Variants in PTPRQ observed in about 807,000 individuals in gnomAD.
PTPRQ encodes the protein phosphatidylinositol phosphatase PTPRQ.
PTPRQ carries 199 observed loss-of-function variants against 246.0 expected under a neutral mutation model. The observed-to-expected ratio is 0.81, with a 90% CI of 0.72 to 0.91. PTPRQ has a LOEUF of 0.91. Ranked by LOEUF, PTPRQ falls within the 40% of genes least tolerant of loss-of-function variation. The pLI is 0.00. For synonymous variants in PTPRQ, 869 were observed against 853.2 expected (o/e 1.02, Z -0.32); for missense variants, 2,624 against 2,528.4 (o/e 1.04, Z -0.81).
chr12:80,549,783 G>A (rs1172302118), intron 25 of PTPRQ, 49 bp downstream of exon 25: 5 of 1,486,456 alleles, frequency 3.4e-6, no homozygotes, highest in African/African-American at 1.4e-5. Flanking sequence ...AACTATTTGG[G>A]GATTGTGTCA....
At chr12:80,602,873 A>T (rs1898189987) in intron 26 of PTPRQ, among the ~76,000 whole-genome samples, 1 of 151,784 alleles carries the variant, frequency 6.6e-6, no homozygotes, top group African/African-American at 2.4e-5. Context: ...ATTATCTGCA[A>T]TTTAAAAACA....
intron 25 of PTPRQ, among the ~76,000 whole-genome samples, chr12:80,565,371 A>C (rs919360306): frequency 2.0e-5 from 3 of 152,214 alleles, no homozygotes; most frequent in African/African-American, 7.2e-5. Flanking sequence ...TTCTTTGAGC[A>C]GTGTTTTTAT....
chr12:80,547,564 T>G (rs529532454), intron 24 of PTPRQ, among the ~76,000 whole-genome samples: 1 of 152,142 alleles, frequency 6.6e-6, no homozygotes, highest in African/African-American at 2.4e-5. Context: ...TGCATTTCTG[T>G]AACAAATGCA....
intron 39 of PTPRQ, among the ~76,000 whole-genome samples, chr12:80,665,657 A>G (rs930801199): frequency 6.6e-6 from 1 of 152,110 alleles, no homozygotes; most frequent in Admixed American, 6.6e-5. Context: ...AACAGAATGA[A>G]TAGACAATCT....
At position 80,605,151 on chromosome 12, in the gene PTPRQ, C is replaced by A. The variant is rs1197237603; in HGVS notation, c.4702C>A (p.Pro1568Thr). The change falls in exon 27 of 45, where the codon CCA becomes ACA. Residue 1568 changes from proline (P) to threonine (T), a missense_variant. By Grantham distance (38) the Pro-to-Thr change is conservative. Coordinates refer to ENST00000644991, the MANE Select transcript of PTPRQ (RefSeq NM_001145026.2). ...GAGTGAACCTGCTGTCATTACTGGA[C>A]CAACATGTTATCTGATTGATGTCAA... ...SWSEPAVITG[P>T]TCYLIDVKSV... The A allele has an allele frequency of 1.3e-6, 2 of 1,543,980 alleles. No individual in the cohort carries two copies. The highest frequency in any genetic ancestry group is 2.8e-5 in the African/African-American group (2 of 72,402).
chr12:80,609,446 C>A (rs1355605416), intron 27 of PTPRQ, among the ~76,000 whole-genome samples: 1 of 150,450 alleles, frequency 6.6e-6, no homozygotes, highest in African/African-American at 2.4e-5. Flanking sequence ...TTAAGTGTTT[C>A]AATTAAGATA....
In PTPRQ at chr12:80,506,716, C is replaced by T. The variant is rs7976085; in HGVS notation, c.2557+46C>T. The T allele has an allele frequency of 0.26, 393,044 of 1,485,122 alleles. 56,642 individuals are homozygous for T. Among genetic ancestry groups the T allele is most frequent in the African/African-American group, 0.51 (36,563 of 71,102 alleles). 92.0% of individuals were successfully genotyped at this position (1,485,122 alleles called of 1,614,324 possible). A position where few individuals can be genotyped will look rare whatever the true frequency, so the allele number is the denominator to read the frequency against. On this transcript the variant is annotated intron_variant, in intron 16 of 44. Transcript: ENST00000644991. Reference sequence around the variant, plus strand: ...TGATATACTTTGATTCTATAACATTCCAAGAAACACACGTATAGAATGAAA... The same window carrying T: ...TGATATACTTTGATTCTATAACATTTCAAGAAACACACGTATAGAATGAAA...
At chr12:80,620,410 T>A (rs557239237) in intron 32 of PTPRQ, 34 bp downstream of exon 32, 3 of 1,544,062 alleles carry the variant, frequency 1.9e-6, no homozygotes, top group Non-Finnish European at 2.6e-6. Flanking sequence ...TGCATTCTGT[T>A]AGCAAGCTAG....
Position 80,496,360 on chromosome 12 carries a change from G to A in PTPRQ, c.2101G>A (p.Val701Met). The A allele has an allele frequency of 1.9e-6, 3 of 1,550,710 alleles. No individual in the cohort carries two copies. Among genetic ancestry groups the A allele is most frequent in the Non-Finnish European group, 2.6e-6 (3 of 1,146,402 alleles). Reference sequence around the variant, plus strand: ...CAATGGGATCATTATTGCTTATGAAGTGCTATATAAAAATATAGATACTTT... The same window carrying A: ...CAATGGGATCATTATTGCTTATGAAATGCTATATAAAAATATAGATACTTT... ...KPNGIIIAYE[V>M]LYKNIDTLYM... is the part of the protein sequence containing the mutation. Residue 701 changes from valine to methionine, a missense_variant, in exon 14 of 45, where the codon GTG becomes ATG. Val to Met is a conservative substitution (Grantham distance 21). Coordinates refer to ENST00000644991, the MANE Select transcript of PTPRQ (RefSeq NM_001145026.2).
intron 27 of PTPRQ, among the ~76,000 whole-genome samples, chr12:80,606,997 T>C (rs1268348995): frequency 6.6e-6 from 1 of 151,062 alleles, no homozygotes; most frequent in African/African-American, 2.4e-5. Flanking sequence ...TAAGAAGTGA[T>C]TTTGTAATCT....
chr12:80,552,652 T>TAC (rs1896517823), intron 25 of PTPRQ, among the ~76,000 whole-genome samples: 1 of 17,328 alleles, frequency 5.8e-5, no homozygotes, highest in African/African-American at 1.8e-4. Context: ...AAATTATATA[T>TAC]ATATATATAT....
At chr12:80,621,874 G>A (rs1899004303) in intron 32 of PTPRQ, among the ~76,000 whole-genome samples, 187 bp from the exon 33 acceptor site, 1 of 151,938 alleles carries the variant, frequency 6.6e-6, no homozygotes, top group Non-Finnish European at 1.5e-5. Flanking sequence ...CAAAGTACGA[G>A]ATAATTATTT....
intron 43 of PTPRQ, among the ~76,000 whole-genome samples, chr12:80,676,841 T>C (rs1371169249): frequency 2.0e-5 from 3 of 152,216 alleles, no homozygotes; most frequent in Non-Finnish European, 4.4e-5. Context: ...TCCAGTTTTT[T>C]GTCGGGCATT....
At chr12:80,482,171 A>T (rs868560101) in intron 8 of PTPRQ, among the ~76,000 whole-genome samples, 2 of 151,520 alleles carry the variant, frequency 1.3e-5, no homozygotes, top group African/African-American at 4.9e-5. Context: ...TGGTACCAAA[A>T]CAGAGATATA....
At chr12:80,553,663 T>C (rs536819308) in intron 25 of PTPRQ, among the ~76,000 whole-genome samples, 1 of 152,240 alleles carries the variant, frequency 6.6e-6, no homozygotes, top group Admixed American at 6.5e-5. Flanking sequence ...CGATTGAATT[T>C]ATGAGGAGAT....
chr12:80,471,385 G>T (rs1745675401), intron 7 of PTPRQ, among the ~76,000 whole-genome samples: 1 of 150,970 alleles, frequency 6.6e-6, no homozygotes, highest in South Asian at 2.1e-4. Context: ...AAAGTATTGT[G>T]CTGACAGACT....
chr12:80,450,520 T>A (rs1325441773), intron 3 of PTPRQ, among the ~76,000 whole-genome samples: 1 of 152,080 alleles, frequency 6.6e-6, no homozygotes, highest in South Asian at 2.1e-4. Context: ...GGGTTTGTCA[T>A]AGATAGCTCT....
intron 8 of PTPRQ, among the ~76,000 whole-genome samples, chr12:80,473,132 A>G (rs1366382384): frequency 6.6e-6 from 1 of 152,114 alleles, no homozygotes; most frequent in Non-Finnish European, 1.5e-5. Context: ...AACTATTAGG[A>G]AATTTTGTAC....
chr12:80,465,056 G>T (rs1212577121), intron 6 of PTPRQ: 1 of 118,566 alleles, frequency 8.4e-6, no homozygotes, highest in Admixed American at 9.3e-5. Context: ...AAAAATTAAT[G>T]AATCCAGGAG....
Sources: allele counts gnomAD v4.1 joint callset (sites outside exome capture counted in the v4.1 genomes callset), GRCh38; gene constraint gnomAD v4.1.1; transcripts MANE v1.5; gene names NCBI Gene and HGNC (gene_info 2026-07-23, HGNC 2026-07-21).